Variants in SLC37A3 observed in about 807,000 individuals in gnomAD.
SLC37A3 encodes the protein sugar phosphate exchanger 3.
In SLC37A3, 51 loss-of-function variants were observed where a neutral mutation model predicts 67.1. The ratio of observed to expected loss-of-function variants is 0.76; its 90% confidence interval spans 0.61 to 0.96. The LOEUF (loss-of-function observed/expected upper bound fraction) is 0.96, where lower values mean the gene tolerates loss of function less well. Ranked by LOEUF, SLC37A3 falls within the 40% of genes least tolerant of loss-of-function variation. SLC37A3 has a pLI of 0.00. For synonymous variants in SLC37A3, 214 were observed against 231.4 expected, an observed-to-expected ratio of 0.92 and a Z score of 0.68; for missense variants, 508 against 603.0, an observed-to-expected ratio of 0.84 and a Z score of 1.65.
chr7:140,355,626 A>G (rs1796992100), intron 7 of SLC37A3, 42 bp downstream of exon 7: 1 of 710,608 alleles, frequency 1.4e-6, no homozygotes, highest in Non-Finnish European at 2.0e-6. Context: ...ATGTGCACAC[A>G]GAGAGAGAGA....
chr7:140,355,667 C>G lies in SLC37A3; in HGVS notation c.618+1G>C. 1.2e-6 allele frequency: 2 copies of G among 1,612,616 alleles called. No individual in the cohort carries two copies. Among genetic ancestry groups the G allele is most frequent in the Non-Finnish European group, 1.7e-6 (2 of 1,178,796 alleles). ...CACCAGAGCTAGAAAACAATACCTA[C>G]CTCATAACCATACTGAAGAACAGAA... is the stretch of plus-strand genomic sequence containing the variant. On this transcript the variant is annotated splice_donor_variant, in intron 7 of 14. Transcript: ENST00000326232. LOFTEE classifies it high-confidence loss of function.
chr7:140,382,611 C>T lies in SLC37A3; in HGVS notation c.-70-15G>A. 2 of 1,160,288 alleles carry T rather than the reference C, an allele frequency of 1.7e-6. No homozygotes were observed. The highest frequency in any genetic ancestry group is 2.6e-6 in the Non-Finnish European group (2 of 783,146). 71.9% of individuals were successfully genotyped at this position (1,160,288 alleles called of 1,614,324 possible). A position where few individuals can be genotyped will look rare whatever the true frequency, so the allele number is the denominator to read the frequency against. ...ATTTCTTCCTTCTGGAAAGACAAAA[C>T]ACATTATGGACATTATTAAACATAG... On this transcript the variant is annotated splice_polypyrimidine_tract_variant and intron_variant, in intron 1 of 14. Coordinates refer to ENST00000326232, the MANE Select transcript of SLC37A3 (RefSeq NM_207113.3).
chr7:140,349,007 T>C (rs1796690201), intron 9 of SLC37A3, among the ~76,000 whole-genome samples: 1 of 152,214 alleles, frequency 6.6e-6, no homozygotes, highest in African/African-American at 2.4e-5. Context: ...AAAACACCTA[T>C]GGCTACTTCT....
Position 140,333,991 on chromosome 7 carries a change from T to C in SLC37A3, c.*1421A>G, listed in dbSNP as rs980958327. 2 of 152,470 alleles carry C rather than the reference T, an allele frequency of 1.3e-5. No homozygotes were observed. The highest frequency in any genetic ancestry group is 2.9e-5 in the Non-Finnish European group (2 of 68,028). The allele number at this position is 152,470 out of a possible 1,614,324, so 9.4% of individuals were successfully genotyped here. A position where few individuals can be genotyped will look rare whatever the true frequency, so the allele number is the denominator to read the frequency against. On this transcript the variant is annotated 3_prime_UTR_variant, in exon 15 of 15. Transcript: ENST00000326232. ...TAGTTTGCTTGCATAATTTAAAATA[T>C]GTATATACAGAATGATCTTAAAATA...
At chr7:140,368,132 C>T (rs1797678252) in intron 4 of SLC37A3, among the ~76,000 whole-genome samples, 1 of 151,994 alleles carries the variant, frequency 6.6e-6, no homozygotes, top group South Asian at 2.1e-4. Context: ...CTTACCACTC[C>T]ACCCCCGCTA....
chr7:140,365,415 C>G (rs1001926394), intron 4 of SLC37A3, among the ~76,000 whole-genome samples: 17 of 151,540 alleles, frequency 1.1e-4, no homozygotes, highest in African/African-American at 4.1e-4. Context: ...ATAGCAAGAA[C>G]CCATCTCTAA....
intron 1 of SLC37A3, among the ~76,000 whole-genome samples, chr7:140,393,495 C>G (rs1798801787): frequency 6.6e-6 from 1 of 152,166 alleles, no homozygotes. Context: ...AACACCAACT[C>G]CCCACACCAA....
intron 13 of SLC37A3, among the ~76,000 whole-genome samples, chr7:140,338,407 T>C (rs1262040116): frequency 6.6e-6 from 1 of 152,212 alleles, no homozygotes; most frequent in Admixed American, 6.5e-5. Context: ...AATCACAGTA[T>C]TTGTCCTTTT....
Position 140,391,526 on chromosome 7 carries a change from G to A in SLC37A3, c.-71+6890C>T, listed in dbSNP as rs189149733. On this transcript the variant is annotated intron_variant, in intron 1 of 14. Coordinates refer to ENST00000326232, the MANE Select transcript of SLC37A3 (RefSeq NM_207113.3). Reference sequence around the variant, plus strand: ...AGCCGAGATCAGGCCACTGCACTCCGGTCTGGGCGACAGAGTGAGACTCCA... The same window carrying A: ...AGCCGAGATCAGGCCACTGCACTCCAGTCTGGGCGACAGAGTGAGACTCCA... Among the ~76,000 whole-genome samples the A allele has an allele frequency of 6.6e-4, 101 of 152,220 alleles. 1 individual carries two copies. The highest frequency in any genetic ancestry group is 7.2e-4 in the Non-Finnish European group (49 of 68,026).
chr7:140,359,980 A>G (rs999064600), intron 5 of SLC37A3, among the ~76,000 whole-genome samples: 11 of 152,240 alleles, frequency 7.2e-5, no homozygotes, highest in African/African-American at 2.7e-4. Context: ...ACTCATAAAT[A>G]AATAAAGTGC....
chr7:140,374,597 CGATCCCTTGAGGGCAGGAG>C (rs1797951391), intron 3 of SLC37A3, among the ~76,000 whole-genome samples: 2 of 151,964 alleles, frequency 1.3e-5, no homozygotes, highest in Admixed American at 1.3e-4. Context: ...CCAGGCAGGA[CGATCCCTTGAGGGCAGGAG>C]GATCCCTTGA....
Position 140,363,740 on chromosome 7 carries a change from CA to C in SLC37A3, c.375+667del, listed in dbSNP as rs71170980. Among the ~76,000 whole-genome samples the C allele has an allele frequency of 6.6e-3, 708 of 107,718 alleles. 1 individual carries two copies. The highest frequency in any genetic ancestry group is 0.019 in the African/African-American group (521 of 27,534). 70.7% of individuals were successfully genotyped at this position (107,718 alleles called of 152,430 possible). A position where few individuals can be genotyped will look rare whatever the true frequency, so the allele number is the denominator to read the frequency against. ...AAAAAAAAAGAGCAAAACTCCGCCT[CA>C]AAAAAAAAAAAAAAAAAAAAAAAAG... On this transcript the variant is annotated intron_variant, in intron 5 of 14. Coordinates refer to ENST00000326232, the MANE Select transcript of SLC37A3 (RefSeq NM_207113.3).
At chr7:140,377,205 A>G (rs542010373) in intron 3 of SLC37A3, among the ~76,000 whole-genome samples, 3 of 151,446 alleles carry the variant, frequency 2.0e-5, no homozygotes, top group Non-Finnish European at 2.9e-5. Context: ...TCGGCCTCCC[A>G]AAGTGTTTTT....
chr7:140,368,585 AACAT>A (rs1466868308), intron 4 of SLC37A3, among the ~76,000 whole-genome samples: 2 of 151,772 alleles, frequency 1.3e-5, no homozygotes, highest in Admixed American at 1.3e-4. Context: ...AAAAATTAAA[AACAT>A]AATAATAATA....
chr7:140,362,033 T>C (rs1322641278), intron 5 of SLC37A3, among the ~76,000 whole-genome samples: 22 of 118,970 alleles, frequency 1.8e-4, no homozygotes, highest in Non-Finnish European at 3.8e-4. Context: ...ATGAGGAGCC[T>C]CTCTGCCTGG....
chr7:140,342,387 C>T (rs1796392542), intron 13 of SLC37A3, among the ~76,000 whole-genome samples: 1 of 152,196 alleles, frequency 6.6e-6, no homozygotes, highest in African/African-American at 2.4e-5. Context: ...ACATCCATGA[C>T]CTTACTAACG....
Position 140,345,893 on chromosome 7 carries a change from C to A in SLC37A3, c.1102G>T (p.Val368Phe). 1 of 1,613,852 alleles carries A rather than the reference C, an allele frequency of 6.2e-7. No individual in the cohort carries two copies. Among genetic ancestry groups the A allele is most frequent in the Non-Finnish European group, 8.5e-7 (1 of 1,179,830 alleles). ...CGACTATACCCGATGAGGGACCCAACTGCCAGAAGCAGACTCAGGGCAAGA... is the reference window on the plus strand; with the variant it reads ...CGACTATACCCGATGAGGGACCCAAATGCCAGAAGCAGACTCAGGGCAAGA... Reference protein sequence around the residue: ...PVLALSLLLAVGSLIGYSRSP... With the variant: ...PVLALSLLLAFGSLIGYSRSP... The change falls in exon 11 of 15, where the codon GTT becomes TTT. Residue 368 changes from valine to phenylalanine, a missense_variant. Physicochemically the swap from Val to Phe is conservative, Grantham distance 50 (BLOSUM62 -1). Transcript: ENST00000326232.
At chr7:140,384,718 G>GC (rs769810533) in intron 1 of SLC37A3, among the ~76,000 whole-genome samples, 39 of 152,010 alleles carry the variant, frequency 2.6e-4, no homozygotes, top group Non-Finnish European at 3.7e-4. Flanking sequence ...GACCTTGCCT[G>GC]CCCCCCGCCG....
Position 140,335,318 on chromosome 7 carries a change from C to A in SLC37A3, c.*94G>T. The A allele has an allele frequency of 6.2e-7, 1 of 1,614,160 alleles. No homozygotes were observed. The highest frequency in any genetic ancestry group is 1.1e-5 in the South Asian group (1 of 91,072). ...AGACGCCTGACAATCCAAGATCAGG[C>A]TGGAGCTCCTAGACAAACCCAAATT... On this transcript the variant is annotated 3_prime_UTR_variant, in exon 15 of 15. Transcript: ENST00000326232.
Sources: gnomAD v4.1 joint callset for allele counts (sites outside exome capture counted in the v4.1 genomes callset) on GRCh38, gnomAD v4.1.1 for gene constraint, MANE v1.5 for transcripts, NCBI Gene and HGNC (gene_info 2026-07-23, HGNC 2026-07-21) for gene names.